The following SDK2 variants were observed in gnomAD, a reference collection of about 807,000 sequenced individuals.
SDK2 encodes sidekick cell adhesion molecule 2, also known as protein sidekick-2.
In SDK2, 105 loss-of-function variants were observed where a neutral mutation model predicts 253.9. The observed-to-expected ratio is 0.41, with a 90% confidence interval of 0.35 to 0.49. SDK2 has a LOEUF of 0.49. Among genes scored for constraint, SDK2 ranks in the 20% least tolerant of loss-of-function variants. SDK2 has a pLI of 0.06. For synonymous variants in SDK2, 1,249 were observed against 1,234.9 expected (o/e 1.01, Z -0.24); for missense variants, 2,608 against 3,003.0 (o/e 0.87, Z 3.07).
Position 73,383,844 on chromosome 17 carries a change from AC to A in SDK2, c.4705+31del. ...AGGTGAGGGTGACCGCCCCCATCCC[AC>A]CCATTCCTCTGGCTCCCAAGTGTCA... On this transcript the variant is annotated intron_variant, in intron 33 of 44. Coordinates refer to ENST00000392650, the MANE Select transcript of SDK2 (RefSeq NM_001144952.2). This position sits in a 1 kb window ranked among gnomAD's most constrained non-coding sequence, Gnocchi z 4.3. The A allele has an allele frequency of 6.2e-7, 1 of 1,612,668 alleles. No individual in the cohort carries two copies. The highest frequency in any genetic ancestry group is 8.5e-7 in the Non-Finnish European group (1 of 1,178,886).
At chr17:73,557,980 C>T (rs527283517) in intron 1 of SDK2, among the ~76,000 whole-genome samples, 3 of 152,310 alleles carry the variant, frequency 2.0e-5, no homozygotes, top group East Asian at 3.9e-4. Context: ...CCCAGGGCTC[C>T]CTGGACAACC....
At chr17:73,433,378 G>A (rs940067459) in intron 10 of SDK2, among the ~76,000 whole-genome samples, 3 of 152,084 alleles carry the variant, frequency 2.0e-5, no homozygotes, top group Admixed American at 6.6e-5. Context: ...CACCTCCCAG[G>A]TTCAAGCGAT....
At chr17:73,623,904 G>A (rs538183346) in intron 1 of SDK2, among the ~76,000 whole-genome samples, 7 of 152,320 alleles carry the variant, frequency 4.6e-5, no homozygotes, top group African/African-American at 1.7e-4. Flanking sequence ...TTACTTAAGG[G>A]GGTGATTCCT....
intron 2 of SDK2, among the ~76,000 whole-genome samples, chr17:73,497,003 TCTC>T (rs1226061579): frequency 6.6e-6 from 1 of 152,192 alleles, no homozygotes; most frequent in Admixed American, 6.5e-5. Flanking sequence ...TTCAAGTAAT[TCTC>T]CTGCCTCAGC....
Position 73,435,430 on chromosome 17 carries a change from CA to C in SDK2, c.1195+19del, listed in dbSNP as rs1247436630. On this transcript the variant is annotated intron_variant, in intron 9 of 44. Coordinates refer to ENST00000392650, the MANE Select transcript of SDK2 (RefSeq NM_001144952.2). This position sits in a 1 kb window ranked among gnomAD's most constrained non-coding sequence, Gnocchi z 5.7. ...TGGGAAGAGGGGCTCACGGGCAGCA[CA>C]AGGGAAGGCCCAACTTACTGGTGAC... 6.4e-7 allele frequency: 1 copy of C among 1,573,078 alleles called. No individual in the cohort carries two copies.
chr17:73,578,519 C>T (rs986972348), intron 1 of SDK2, among the ~76,000 whole-genome samples: 2 of 152,166 alleles, frequency 1.3e-5, no homozygotes, highest in Non-Finnish European at 1.5e-5. Context: ...CCCTACCTCC[C>T]AGGGTTGTGA....
chr17:73,493,658 G>T (rs768555524), intron 2 of SDK2, among the ~76,000 whole-genome samples: 13 of 152,208 alleles, frequency 8.5e-5, no homozygotes, highest in Non-Finnish European at 1.6e-4. Context: ...TAAGTGTTTT[G>T]TATTAAGTAA....
intron 1 of SDK2, among the ~76,000 whole-genome samples, chr17:73,564,591 G>A (rs569823533): frequency 3.3e-5 from 5 of 152,260 alleles, no homozygotes; most frequent in Middle Eastern, 3.4e-3. Context: ...TTGGGAGGTC[G>A]AGACAGGTGG....
At chr17:73,411,074 C>T (rs1047864338) in intron 18 of SDK2, among the ~76,000 whole-genome samples, 1 of 152,218 alleles carries the variant, frequency 6.6e-6, no homozygotes, top group Admixed American at 6.5e-5. Flanking sequence ...CTCTGCCTCC[C>T]CCCAGGGTCC....
chr17:73,563,115 C>T (rs556478688), intron 1 of SDK2, among the ~76,000 whole-genome samples: 28 of 152,360 alleles, frequency 1.8e-4, no homozygotes, highest in Admixed American at 1.5e-3. Context: ...TGGACAGGCA[C>T]GCACCATGGA....
intron 40 of SDK2, among the ~76,000 whole-genome samples, chr17:73,355,175 T>TATATATATATATATA (rs1555750470): frequency 2.6e-3 from 41 of 15,656 alleles, no homozygotes; most frequent in African/African-American, 6.2e-3. Context: ...TATATATATA[T>TATATATATATATATA]TTTTTTTTTT....
chr17:73,456,025 C>A lies in SDK2; in HGVS notation c.360G>T (p.Lys120Asn). ...CTTCTCCGTGGGAGACGCTCTGGTG[C>A]TTCTCACCTTCCTCAAAGCTCCCCA... ...AYMGSFEEGEKHQSVSHGEAA... is the reference protein window; with the variant it reads ...AYMGSFEEGENHQSVSHGEAA... The change falls in exon 4 of 45, where the codon AAG (lysine) becomes AAT (asparagine). Residue 120 changes from lysine to asparagine, a missense_variant. Physicochemically the swap from Lys to Asn is moderately conservative, Grantham distance 94. Around this residue, in one of 2 missense-constraint regions of SDK2, gnomAD observed 1,505 missense variants for 1,859.1 expected, o/e 0.81. Transcript: ENST00000392650. 2 of 1,529,174 alleles carry A rather than the reference C, an allele frequency of 1.3e-6. No individual in the cohort carries two copies. The highest frequency in any genetic ancestry group is 1.8e-6 in the Non-Finnish European group (2 of 1,134,060). 94.7% of individuals were successfully genotyped at this position (1,529,174 alleles called of 1,614,324 possible). A position where few individuals can be genotyped will look rare whatever the true frequency, so the allele number is the denominator to read the frequency against.
At chr17:73,450,801 C>T (rs887686403) in intron 4 of SDK2, among the ~76,000 whole-genome samples, 5 of 152,170 alleles carry the variant, frequency 3.3e-5, no homozygotes, top group East Asian at 1.9e-4. Context: ...GGGTCAAGGC[C>T]GGGGGTGTTG....
At chr17:73,356,915 G>A (rs887678067) in intron 40 of SDK2, among the ~76,000 whole-genome samples, 1 of 152,226 alleles carries the variant, frequency 6.6e-6, no homozygotes, top group African/African-American at 2.4e-5. Flanking sequence ...GCCAGAGTCA[G>A]GGGCCAACAT....
chr17:73,447,549 CT>C lies in SDK2; in HGVS notation c.613+65del. On this transcript the variant is annotated intron_variant, in intron 5 of 44. Coordinates refer to ENST00000392650, the MANE Select transcript of SDK2 (RefSeq NM_001144952.2). This position sits in a 1 kb window ranked among gnomAD's most constrained non-coding sequence, Gnocchi z 4.0. ...GCCACTCCATCTTCCCAATGATCCC[CT>C]GGAGCACCATTGCTAAGATTTAATG... 1 of 1,541,358 alleles carries C rather than the reference CT, an allele frequency of 6.5e-7. No individual in the cohort carries two copies. The highest frequency in any genetic ancestry group is 1.2e-5 in the South Asian group (1 of 83,208).
At chr17:73,628,652 G>A (rs961238879) in intron 1 of SDK2, among the ~76,000 whole-genome samples, 1 of 152,220 alleles carries the variant, frequency 6.6e-6, no homozygotes, top group East Asian at 1.9e-4. Flanking sequence ...CCCTAAACAA[G>A]CAGCCAGTTC....
chr17:73,440,800 T>C lies in SDK2; in HGVS notation c.725+12A>G. On this transcript the variant is annotated intron_variant, in intron 6 of 44. Coordinates refer to ENST00000392650, the MANE Select transcript of SDK2 (RefSeq NM_001144952.2). Reference sequence around the variant, plus strand: ...TTACGGGTGCGGGAGCGAGGGAAGATGCACTACCTACCTGGCATTGGCCAC... The same window carrying C: ...TTACGGGTGCGGGAGCGAGGGAAGACGCACTACCTACCTGGCATTGGCCAC... The C allele has an allele frequency of 6.5e-7, 1 of 1,539,520 alleles. No individual in the cohort carries two copies. Among genetic ancestry groups the C allele is most frequent in the Non-Finnish European group, 8.8e-7 (1 of 1,136,170 alleles).
rs554618657 is a variant in SDK2 at position 73,402,070 on chromosome 17, G to A, written c.2556C>T (p.Ser852=). The A allele has an allele frequency of 7.4e-6, 12 of 1,613,946 alleles. No homozygotes were observed. The East Asian group carries it at 1.3e-4, about 18-fold the overall frequency. The part of the protein sequence containing the change: ...MVTARPNFQD[S]IHVGFVSGLK... ...GGCCAGACACGAAGCCCACGTGGAT[G>A]CTGTCTTGAAAGTTAGGCCGGGCGG... The change falls in exon 19 of 45, where the codon AGC becomes AGT. Residue 852 remains serine, a synonymous_variant. Coordinates refer to ENST00000392650, the MANE Select transcript of SDK2 (RefSeq NM_001144952.2).
chr17:73,376,347 C>T (rs556040028), intron 36 of SDK2, among the ~76,000 whole-genome samples: 2 of 152,324 alleles, frequency 1.3e-5, no homozygotes, highest in East Asian at 3.9e-4. Context: ...AATAACTGCT[C>T]AATAAACACG....
Sources: allele counts gnomAD v4.1 joint callset (sites outside exome capture counted in the v4.1 genomes callset), GRCh38; gene constraint gnomAD v4.1.1; regional missense constraint gnomAD v4.1.1; non-coding constraint Gnocchi (gnomAD v3.1); transcripts MANE v1.5; gene names NCBI Gene and HGNC (gene_info 2026-07-23, HGNC 2026-07-21).